Variants in HEG1 observed in about 807,000 individuals in gnomAD.
The protein encoded by HEG1 is heart development protein with EGF like domains 1.
A neutral mutation model predicts 125.6 loss-of-function variants in HEG1; 56 were observed. The observed-to-expected ratio is 0.45, with a 90% confidence interval of 0.36 to 0.56. The LOEUF (loss-of-function observed/expected upper bound fraction) is 0.56. HEG1 is among the 20% of genes least tolerant of loss of function. HEG1 has a pLI of 0.00. For synonymous variants in HEG1, 644 were observed against 668.5 expected (o/e 0.96, Z 0.57); for missense variants, 1,523 against 1,670.0 (o/e 0.91, Z 1.53).
At chr3:125,041,271 G>A (rs963251065) in intron 1 of HEG1, among the ~76,000 whole-genome samples, 6 of 152,250 alleles carry the variant, frequency 3.9e-5, no homozygotes, top group Non-Finnish European at 8.8e-5. Context: ...CTCTCCAAAG[G>A]TGACCACTAC....
chr3:124,973,958 G>A (rs1936491331), intron 15 of HEG1, 53 bp from the exon 16 acceptor site: 2 of 1,211,594 alleles, frequency 1.7e-6, no homozygotes, highest in African/African-American at 1.5e-5. Context: ...AAGTGATACT[G>A]TGAAAGCACC....
In HEG1 at chr3:124,966,443, TAAGAAAAA is replaced by T. The variant is rs1275911001; in HGVS notation, c.*4201_*4208del. 1 of 152,144 alleles carries T rather than the reference TAAGAAAAA, an allele frequency of 6.6e-6. No individual in the cohort carries two copies. The highest frequency in any genetic ancestry group is 6.5e-5 in the Admixed American group (1 of 15,276). The allele number at this position is 152,144 out of a possible 1,614,324, so 9.4% of individuals were successfully genotyped here. A position where few individuals can be genotyped will look rare whatever the true frequency, so the allele number is the denominator to read the frequency against. On this transcript the variant is annotated 3_prime_UTR_variant, in exon 17 of 17. Coordinates refer to ENST00000311127, the MANE Select transcript of HEG1 (RefSeq NM_020733.2). ...TAGTCAGTTCTCTTCCTTGGAGATTTAAGAAAAAAAGAAAACATACCCAAAGGCAAACT... is the reference window on the plus strand; with the variant it reads ...TAGTCAGTTCTCTTCCTTGGAGATTTAAGAAAACATACCCAAAGGCAAACT...
chr3:124,989,172 G>A (rs1252087310), intron 14 of HEG1, among the ~76,000 whole-genome samples: 2 of 152,160 alleles, frequency 1.3e-5, no homozygotes, highest in Non-Finnish European at 2.9e-5. Flanking sequence ...TTTTATGTCA[G>A]TTTTATATTC....
chr3:124,973,719 A>C lies in HEG1; in HGVS notation c.3996+12T>G. 1 of 1,600,952 alleles carries C rather than the reference A, an allele frequency of 6.2e-7. No individual in the cohort carries two copies. Among genetic ancestry groups the C allele is most frequent in the African/African-American group, 1.3e-5 (1 of 74,448 alleles). The stretch of plus-strand genomic sequence containing the variant: ...GGGGGCCCTGGGGTCATCCTGACAC[A>C]GGAATACACACCGAGTAGTACACAT... On this transcript the variant is annotated intron_variant, in intron 16 of 16. Coordinates refer to ENST00000311127, the MANE Select transcript of HEG1 (RefSeq NM_020733.2).
At chr3:124,971,414 CTTCCT>C (rs1180506760) in intron 16 of HEG1, among the ~76,000 whole-genome samples, 11 of 151,006 alleles carry the variant, frequency 7.3e-5, no homozygotes, top group Non-Finnish European at 7.4e-5. Context: ...TCTTTTCCTC[CTTCCT>C]TTCCTTTCTC....
chr3:125,049,299 C>T (rs778235810), intron 1 of HEG1, among the ~76,000 whole-genome samples: 1 of 152,210 alleles, frequency 6.6e-6, no homozygotes, highest in Non-Finnish European at 1.5e-5. Context: ...GATGCATAAA[C>T]CATGCTATAT....
intron 1 of HEG1, among the ~76,000 whole-genome samples, chr3:125,044,813 T>C (rs192914196): frequency 3.5e-4 from 54 of 152,324 alleles, no homozygotes; most frequent in African/African-American, 1.3e-3. Context: ...GCTTCCTCCT[T>C]GTGGGCTTCG....
intron 1 of HEG1, among the ~76,000 whole-genome samples, chr3:125,037,857 A>G (rs1384582967): frequency 2.0e-5 from 3 of 152,182 alleles, no homozygotes; most frequent in South Asian, 2.1e-4. Context: ...TTCATACCCT[A>G]TGATCTTAAG....
At chr3:125,041,944 G>A (rs1264157349) in intron 1 of HEG1, among the ~76,000 whole-genome samples, 3 of 152,228 alleles carry the variant, frequency 2.0e-5, no homozygotes, top group Non-Finnish European at 2.9e-5. Context: ...TCAGGGGCTG[G>A]AAGCAGGGAG....
rs1937924019 is a variant in HEG1, at chr3:125,055,744, T to G, written c.147A>C (p.Gly49=). The part of the protein sequence containing the change: ...RRALSLAPLA[G]AGLELQLERR... The stretch of plus-strand genomic sequence containing the variant: ...GCTCCAGCTGCAGCTCCAGCCCCGC[T>G]CCCGCGAGGGGCGCCAGGCTCAGCG... Residue 49 remains glycine (G), a synonymous_variant, in exon 1 of 17, where the codon GGA becomes GGC. Coordinates refer to ENST00000311127, the MANE Select transcript of HEG1 (RefSeq NM_020733.2). The G allele has an allele frequency of 9.8e-7, 1 of 1,022,518 alleles. No individual in the cohort carries two copies. Among genetic ancestry groups the G allele is most frequent in the Non-Finnish European group, 1.2e-6 (1 of 856,396 alleles). 63.3% of individuals were successfully genotyped at this position (1,022,518 alleles called of 1,614,324 possible).
chr3:125,027,186 C>A lies in HEG1; in HGVS notation c.913+19G>T, dbSNP rs771086755. On this transcript the variant is annotated intron_variant, in intron 3 of 16. Transcript: ENST00000311127. ...CTTTGAGTGACTTCCGAGTGTTAAGCTGGGTATGTGGCACTCACATGAGGA... is the reference window on the plus strand; with the variant it reads ...CTTTGAGTGACTTCCGAGTGTTAAGATGGGTATGTGGCACTCACATGAGGA... The A allele has an allele frequency of 1.3e-6, 2 of 1,557,088 alleles. No homozygotes were observed. Among genetic ancestry groups the A allele is most frequent in the East Asian group, 4.5e-5 (2 of 44,194 alleles).
chr3:124,976,187 GT>G (rs1411890784), intron 15 of HEG1, among the ~76,000 whole-genome samples: 2 of 151,754 alleles, frequency 1.3e-5, no homozygotes, highest in Admixed American at 6.6e-5. Context: ...GTGTTTTTTT[GT>G]TTTGTTTTGT....
At position 125,055,563 on chromosome 3, in the gene HEG1, GCT is replaced by G; in HGVS notation, c.316+10_316+11del. 1.7e-6 allele frequency: 2 copies of G among 1,202,628 alleles called. No individual in the cohort carries two copies. The highest frequency in any genetic ancestry group is 2.1e-6 in the Non-Finnish European group (2 of 968,518). 74.5% of individuals were successfully genotyped at this position (1,202,628 alleles called of 1,614,324 possible). A position where few individuals can be genotyped will look rare whatever the true frequency, so the allele number is the denominator to read the frequency against. On this transcript the variant is annotated intron_variant, in intron 1 of 16. Coordinates refer to ENST00000311127, the MANE Select transcript of HEG1 (RefSeq NM_020733.2). ...AGACTGGCCAGGCGCCAGGTTCCCG[GCT>G]CTCACTCACCCGCGCTCCCGCCTCT...
rs1937332338 is a variant in HEG1, at chr3:125,021,272, T to C, written c.914-142A>G. The C allele has an allele frequency of 1.9e-5, 12 of 643,426 alleles. No homozygotes were observed. In the South Asian group the frequency reaches 2.0e-4, roughly 11 times the overall value. 39.9% of individuals were successfully genotyped at this position (643,426 alleles called of 1,614,324 possible). ...CCTAATATAGATACAAACATATCTA[T>C]ACACACGCATGCTACCAGGACACAT... On this transcript the variant is annotated intron_variant, in intron 3 of 16. Transcript: ENST00000311127.
rs757724845 is a variant in HEG1 at position 125,014,760 on chromosome 3, T to G, written c.1589-770A>C. On this transcript the variant is annotated intron_variant, in intron 5 of 16. Coordinates refer to ENST00000311127, the MANE Select transcript of HEG1 (RefSeq NM_020733.2). ...CAGTGACCGTGAGACCAGGCCCATG[T>G]CGTCCGTCACGTTTACGTGCAGAGA... is the stretch of plus-strand genomic sequence containing the variant. 2.3e-6 allele frequency: 3 copies of G among 1,288,496 alleles called. No individual in the cohort carries two copies. The South Asian group carries it at 3.7e-5, about 16-fold the overall frequency. The allele number at this position is 1,288,496 out of a possible 1,614,324, so 79.8% of individuals were successfully genotyped here.
intron 12 of HEG1, among the ~76,000 whole-genome samples, chr3:124,991,277 G>A (rs1936830535): frequency 6.6e-6 from 1 of 151,742 alleles, no homozygotes; most frequent in African/African-American, 2.4e-5. Context: ...AGCCTCCCAA[G>A]TAGCTGGGAT....
intron 6 of HEG1, among the ~76,000 whole-genome samples, chr3:125,011,258 T>C (rs796553460): frequency 3.0e-4 from 44 of 145,564 alleles, no homozygotes; most frequent in African/African-American, 1.1e-3. Flanking sequence ...AAAAAAAAAA[T>C]AGTAACCCTG....
intron 16 of HEG1, chr3:124,971,287 G>C (rs903306770): frequency 1.2e-5 from 5 of 410,004 alleles, no homozygotes; most frequent in Non-Finnish European, 2.4e-5. Context: ...TCACCTGGAC[G>C]ACACCTGAGC....
rs773527876 is a variant in HEG1, at chr3:125,020,928, G to T, written c.1116C>A (p.Val372=). The T allele has an allele frequency of 2.5e-6, 4 of 1,613,876 alleles. No homozygotes were observed. The highest frequency in any genetic ancestry group is 3.4e-6 in the Non-Finnish European group (4 of 1,179,898). The change falls in exon 4 of 17, where the codon GTC becomes GTA. Residue 372 remains valine, a synonymous_variant. Transcript: ENST00000311127. Reference sequence around the variant, plus strand: ...ATTCCACTGCAGAGGGTGAAAGAAGGACTGAGGATGAAGTCGTGGCAATTC... The same window carrying T: ...ATTCCACTGCAGAGGGTGAAAGAAGTACTGAGGATGAAGTCGTGGCAATTC... ...DSRIATTSSS[V]LLSPSAVESR... is the part of the protein sequence containing the mutation.
Sources: allele counts gnomAD v4.1 joint callset (sites outside exome capture counted in the v4.1 genomes callset), GRCh38; gene constraint gnomAD v4.1.1; transcripts MANE v1.5; gene names NCBI Gene and HGNC (gene_info 2026-07-23, HGNC 2026-07-21).